The following CDH4 variants were observed in gnomAD, a reference collection of about 807,000 sequenced individuals.
The protein encoded by CDH4 is cadherin-4.
CDH4 carries 33 observed loss-of-function variants against 86.0 expected under a neutral mutation model. The observed-to-expected ratio is 0.38, with a 90% CI of 0.29 to 0.51. The LOEUF is 0.51. Among genes scored for constraint, CDH4 ranks in the 20% least tolerant of loss-of-function variants. CDH4 has a pLI of 0.86. For missense variants in CDH4, 1,114 were observed against 1,307.4 expected, an observed-to-expected ratio of 0.85 and a Z score of 2.28; for synonymous variants, 555 against 549.4, an observed-to-expected ratio of 1.01 and a Z score of -0.14.
intron 2 of CDH4, among the ~76,000 whole-genome samples, chr20:61,524,415 G>C (rs534851669): frequency 6.6e-6 from 1 of 152,138 alleles, no homozygotes; most frequent in Admixed American, 6.6e-5. Flanking sequence ...GATGCATGTC[G>C]TCAGCAGAGG....
chr20:61,771,395 G>A (rs1027254425), intron 3 of CDH4, among the ~76,000 whole-genome samples: 7 of 151,858 alleles, frequency 4.6e-5, no homozygotes, highest in African/African-American at 9.7e-5. Context: ...AGGCCAACAC[G>A]GGCGGATTAC....
At chr20:61,831,392 G>C (rs375882692) in intron 4 of CDH4, among the ~76,000 whole-genome samples, 180 of 152,280 alleles carry the variant, frequency 1.2e-3, no homozygotes, top group African/African-American at 4.2e-3. Context: ...GTGAAGTCTC[G>C]AGGGAAGAGC....
chr20:61,936,844 C>T lies in CDH4; in HGVS notation c.2652C>T (p.Asn884=). 1.2e-6 allele frequency: 2 copies of T among 1,609,944 alleles called. No individual in the cohort carries two copies. Among genetic ancestry groups the T allele is most frequent in the East Asian group, 4.5e-5 (2 of 44,404 alleles). The change falls in exon 16 of 16, where the codon AAC becomes AAT. Residue 884 remains asparagine (N), a synonymous_variant. Transcript: ENST00000614565. ...CCGCAGGCTCCGTCAGCTCCCTGAACTCATCCAGTTCCGGGGACCAAGACT... is the reference window on the plus strand; with the variant it reads ...CCGCAGGCTCCGTCAGCTCCCTGAATTCATCCAGTTCCGGGGACCAAGACT... ...GSTAGSVSSL[N]SSSSGDQDYD... is the part of the protein sequence containing the mutation.
intron 4 of CDH4, among the ~76,000 whole-genome samples, chr20:61,803,975 C>CT (rs892527962): frequency 2.6e-5 from 4 of 152,240 alleles, no homozygotes; most frequent in African/African-American, 9.6e-5. Flanking sequence ...ACGAGTGAAA[C>CT]TTTTTTGTTG....
intron 2 of CDH4, among the ~76,000 whole-genome samples, chr20:61,665,732 C>T (rs916246580): frequency 2.0e-5 from 3 of 152,186 alleles, no homozygotes; most frequent in African/African-American, 4.8e-5. Flanking sequence ...TTACAATACA[C>T]GGGGGTCACC....
chr20:61,571,709 A>G (rs1042802614), intron 2 of CDH4, among the ~76,000 whole-genome samples: 1 of 151,458 alleles, frequency 6.6e-6, no homozygotes, highest in African/African-American at 2.4e-5. Flanking sequence ...GACAGGAAGG[A>G]CCTGCCTCTC....
At chr20:61,675,859 C>T (rs183959013) in intron 2 of CDH4, among the ~76,000 whole-genome samples, 35 of 152,346 alleles carry the variant, frequency 2.3e-4, no homozygotes, top group African/African-American at 7.9e-4. Context: ...CAAGCACTCC[C>T]GTGCTTTCAG....
intron 2 of CDH4, among the ~76,000 whole-genome samples, chr20:61,603,568 G>A (rs1037122957): frequency 6.6e-6 from 1 of 152,204 alleles, no homozygotes; most frequent in Non-Finnish European, 1.5e-5. Flanking sequence ...AGCACAGGGA[G>A]CAGAAGGGCC....
chr20:61,533,443 G>C (rs113766576), intron 2 of CDH4, among the ~76,000 whole-genome samples: 3 of 152,304 alleles, frequency 2.0e-5, no homozygotes, highest in East Asian at 1.9e-4. Flanking sequence ...AGCTGTGCTC[G>C]TCTCTCCATC....
chr20:61,564,239 A>G (rs747165296), intron 2 of CDH4, among the ~76,000 whole-genome samples: 4 of 152,108 alleles, frequency 2.6e-5, no homozygotes, highest in African/African-American at 4.8e-5. Context: ...TTCCTGGTGG[A>G]CGTGAATTTG....
At chr20:61,874,145 G>A (rs534022907) in intron 7 of CDH4, among the ~76,000 whole-genome samples, 3 of 152,276 alleles carry the variant, frequency 2.0e-5, no homozygotes, top group Non-Finnish European at 2.9e-5. Flanking sequence ...GGCTATGGGC[G>A]GAGGCCTCAG....
chr20:61,663,531 G>A lies in CDH4; in HGVS notation c.170-80032G>A, dbSNP rs1371604263. The stretch of plus-strand genomic sequence containing the variant: ...CGCCGAGTGGGTCAGAGGGGCCGGA[G>A]GAAGGTGAACAGGGCAGGGGGCAGT... On this transcript the variant is annotated intron_variant, in intron 2 of 15. Transcript: ENST00000614565. This position sits in a 1 kb window ranked among gnomAD's most constrained non-coding sequence, Gnocchi z 5.0. 6.6e-6 allele frequency among the ~76,000 whole-genome samples: 1 copy of A among 152,156 alleles called. No individual in the cohort carries two copies. The highest frequency in any genetic ancestry group is 2.1e-4 in the South Asian group (1 of 4,828).
At chr20:61,731,040 A>AG (rs1222141015) in intron 2 of CDH4, among the ~76,000 whole-genome samples, 1 of 152,084 alleles carries the variant, frequency 6.6e-6, no homozygotes, top group Non-Finnish European at 1.5e-5. Flanking sequence ...CTGTGTGGGC[A>AG]GACCCCAGAG....
At chr20:61,477,956 T>G (rs2085548618) in intron 2 of CDH4, among the ~76,000 whole-genome samples, 1 of 152,218 alleles carries the variant, frequency 6.6e-6, no homozygotes, top group Non-Finnish European at 1.5e-5. Context: ...ATAGAGCTTT[T>G]GTTGTGGAAA....
chr20:61,747,234 G>A (rs1364231551), intron 3 of CDH4, among the ~76,000 whole-genome samples: 2 of 152,156 alleles, frequency 1.3e-5, no homozygotes, highest in Non-Finnish European at 2.9e-5. Flanking sequence ...GAGGTTAGGA[G>A]ATCGAGACCA....
intron 9 of CDH4, among the ~76,000 whole-genome samples, chr20:61,919,559 C>T (rs1156743349): frequency 6.6e-6 from 1 of 152,270 alleles, no homozygotes; most frequent in Non-Finnish European, 1.5e-5. Flanking sequence ...GGGGACATCA[C>T]ATCAGTGGCG....
chr20:61,702,090 A>G (rs775318916), intron 2 of CDH4, among the ~76,000 whole-genome samples: 5 of 152,204 alleles, frequency 3.3e-5, no homozygotes, highest in African/African-American at 1.2e-4. Flanking sequence ...CAATGGGAAG[A>G]AAGCGTCTTC....
At chr20:61,698,744 G>A (rs974611603) in intron 2 of CDH4, among the ~76,000 whole-genome samples, 23 of 152,320 alleles carry the variant, frequency 1.5e-4, no homozygotes, top group Middle Eastern at 3.4e-3. Context: ...AGACCCCCCC[G>A]CAGTGTGACA....
intron 2 of CDH4, among the ~76,000 whole-genome samples, chr20:61,618,129 C>T (rs2086740579): frequency 6.6e-6 from 1 of 152,126 alleles, no homozygotes; most frequent in African/African-American, 2.4e-5. Flanking sequence ...CCTTTATCAG[C>T]AGCCGTGAGA....
Sources: allele counts gnomAD v4.1 joint callset (sites outside exome capture counted in the v4.1 genomes callset), GRCh38; gene constraint gnomAD v4.1.1; non-coding constraint Gnocchi (gnomAD v3.1); transcripts MANE v1.5; gene names NCBI Gene and HGNC (gene_info 2026-07-23, HGNC 2026-07-21).